ADAMTS12: variants seen among roughly 807,000 people sequenced by gnomAD.
ADAMTS12 encodes ADAM metallopeptidase with thrombospondin type 1 motif 12.
ADAMTS12 carries 118 observed loss-of-function variants against 167.8 expected under a neutral mutation model. The ratio of observed to expected loss-of-function variants is 0.70; its 90% CI spans 0.61 to 0.82. ADAMTS12 has a LOEUF of 0.82. Among genes scored for constraint, ADAMTS12 ranks in the 40% least tolerant of loss-of-function variants. The pLI, the probability that ADAMTS12 is intolerant of heterozygous loss-of-function variation, is 0.00. For synonymous variants in ADAMTS12, 704 were observed against 716.9 expected, an observed-to-expected ratio of 0.98 and a Z score of 0.29; for missense variants, 1,916 against 1,998.8, an observed-to-expected ratio of 0.96 and a Z score of 0.79.
At chr5:33,853,095 G>A (rs946966003) in intron 2 of ADAMTS12, among the ~76,000 whole-genome samples, 3 of 152,186 alleles carry the variant, frequency 2.0e-5, no homozygotes, top group African/African-American at 7.2e-5. Context: ...GAACCGAGCA[G>A]GGAGCCTAAT....
intron 2 of ADAMTS12, among the ~76,000 whole-genome samples, chr5:33,810,260 T>C (rs1747404962): frequency 6.6e-6 from 1 of 152,316 alleles, no homozygotes; most frequent in Admixed American, 6.5e-5. Context: ...ATGAATTTAA[T>C]GTCCTTTCAA....
intron 11 of ADAMTS12, among the ~76,000 whole-genome samples, chr5:33,640,264 CAA>C (rs1740391490): frequency 6.6e-6 from 1 of 152,182 alleles, no homozygotes; most frequent in Admixed American, 6.5e-5. Flanking sequence ...TCCACTCACC[CAA>C]AGAGACTCTA....
At chr5:33,572,017 C>G (rs974505191) in intron 19 of ADAMTS12, among the ~76,000 whole-genome samples, 35 of 152,094 alleles carry the variant, frequency 2.3e-4, no homozygotes, top group African/African-American at 8.0e-4. Context: ...ATAAATTCCT[C>G]GACACATACA....
chr5:33,583,996 G>A (rs1052742068), intron 18 of ADAMTS12, among the ~76,000 whole-genome samples: 1 of 152,118 alleles, frequency 6.6e-6, no homozygotes, highest in African/African-American at 2.4e-5. Context: ...TGAATACTAA[G>A]AGCTGTCATA....
At position 33,549,393 on chromosome 5, in the gene ADAMTS12, G is replaced by A. The variant is rs773723199; in HGVS notation, c.4126-10C>T. 2 of 1,602,990 alleles carry A rather than the reference G, an allele frequency of 1.2e-6. No individual in the cohort carries two copies. Among genetic ancestry groups the A allele is most frequent in the Non-Finnish European group, 1.7e-6 (2 of 1,170,910 alleles). ...TGCAGTTTCTGGAGCACTGTATGGA[G>A]AGAAAAATCAAAGGCGATCTCTGAG... On this transcript the variant is annotated splice_polypyrimidine_tract_variant and intron_variant, in intron 20 of 23. Transcript: ENST00000504830.
chr5:33,741,363 T>C (rs1744571485), intron 3 of ADAMTS12, among the ~76,000 whole-genome samples: 1 of 152,200 alleles, frequency 6.6e-6, no homozygotes, highest in Non-Finnish European at 1.5e-5. Flanking sequence ...CTCTGTGTCC[T>C]CATGGGGGAC....
intron 3 of ADAMTS12, among the ~76,000 whole-genome samples, chr5:33,702,248 A>G (rs1215779296): frequency 6.6e-6 from 1 of 152,218 alleles, no homozygotes; most frequent in Non-Finnish European, 1.5e-5. Flanking sequence ...AATAATTTAT[A>G]TAAAGCAACT....
intron 9 of ADAMTS12, among the ~76,000 whole-genome samples, chr5:33,646,823 C>T (rs1740684755): frequency 6.6e-6 from 1 of 151,904 alleles, no homozygotes; most frequent in South Asian, 2.1e-4. Flanking sequence ...AAATATGTCA[C>T]ATATTATTAA....
chr5:33,563,200 A>G (rs1362363513), intron 19 of ADAMTS12, among the ~76,000 whole-genome samples: 1 of 152,164 alleles, frequency 6.6e-6, no homozygotes, highest in Non-Finnish European at 1.5e-5. Flanking sequence ...AATAGAGATA[A>G]CAGCTGAAGT....
chr5:33,875,486 T>C (rs1186295509), intron 2 of ADAMTS12, among the ~76,000 whole-genome samples: 1 of 152,242 alleles, frequency 6.6e-6, no homozygotes, highest in East Asian at 1.9e-4. Context: ...AACCTAATAC[T>C]GCTCTTAAAA....
At chr5:33,671,174 G>A (rs1741679161) in intron 5 of ADAMTS12, among the ~76,000 whole-genome samples, 1 of 152,194 alleles carries the variant, frequency 6.6e-6, no homozygotes, top group Non-Finnish European at 1.5e-5. Flanking sequence ...AGGTGGAAGG[G>A]AAGTATAAAA....
At chr5:33,618,332 G>A (rs1739134873) in intron 14 of ADAMTS12, among the ~76,000 whole-genome samples, 1 of 152,136 alleles carries the variant, frequency 6.6e-6, no homozygotes, top group Non-Finnish European at 1.5e-5. Flanking sequence ...AAGTGGAGAT[G>A]GAGGAAGAGA....
intron 2 of ADAMTS12, among the ~76,000 whole-genome samples, chr5:33,788,911 C>G (rs1165277259): frequency 6.6e-6 from 1 of 152,182 alleles, no homozygotes. Context: ...CATCTTCTGG[C>G]TGTTCCCACA....
chr5:33,546,606 T>C (rs1291545801), intron 21 of ADAMTS12, among the ~76,000 whole-genome samples: 2 of 152,206 alleles, frequency 1.3e-5, no homozygotes, highest in Non-Finnish European at 2.9e-5. Flanking sequence ...CTGCATAAAG[T>C]TTTAGAATTA....
chr5:33,550,438 A>G (rs1463828401), intron 20 of ADAMTS12, among the ~76,000 whole-genome samples: 5 of 152,120 alleles, frequency 3.3e-5, no homozygotes, highest in Non-Finnish European at 7.4e-5. Context: ...GTTACTGCCC[A>G]CACTGAGGTG....
At chr5:33,661,636 C>A (rs1033591898) in intron 6 of ADAMTS12, among the ~76,000 whole-genome samples, 1 of 152,102 alleles carries the variant, frequency 6.6e-6, no homozygotes, top group African/African-American at 2.4e-5. Flanking sequence ...CATGAAGAAA[C>A]CAGTTTTAAA....
At chr5:33,586,420 T>G (rs1747356283) in intron 18 of ADAMTS12, among the ~76,000 whole-genome samples, 1 of 151,574 alleles carries the variant, frequency 6.6e-6, no homozygotes, top group Non-Finnish European at 1.5e-5. Flanking sequence ...CTCAGCTCTG[T>G]CAAGTGGAAG....
chr5:33,829,940 CTTGGT>C (rs1748231023), intron 2 of ADAMTS12, among the ~76,000 whole-genome samples: 1 of 152,164 alleles, frequency 6.6e-6, no homozygotes, highest in African/African-American at 2.4e-5. Context: ...CCATAACTCT[CTTGGT>C]CTAGCCCATA....
At chr5:33,709,014 T>C (rs1252262483) in intron 3 of ADAMTS12, among the ~76,000 whole-genome samples, 1 of 151,654 alleles carries the variant, frequency 6.6e-6, no homozygotes, top group Non-Finnish European at 1.5e-5. Context: ...AAGAATACTA[T>C]GCTTCACCAT....
Sources: gnomAD v4.1 joint callset for allele counts (sites outside exome capture counted in the v4.1 genomes callset) on GRCh38, gnomAD v4.1.1 for gene constraint, MANE v1.5 for transcripts, NCBI Gene and HGNC (gene_info 2026-07-23, HGNC 2026-07-21) for gene names.